DLGAP2: variants seen among roughly 807,000 people sequenced by gnomAD.
The protein encoded by DLGAP2 is disks large-associated protein 2.
Under a neutral mutation model 100.3 loss-of-function variants are expected in DLGAP2, and 26 were observed. The ratio of observed to expected loss-of-function variants is 0.26; its 90% CI spans 0.19 to 0.36. The LOEUF is 0.36. Among genes scored for constraint, DLGAP2 ranks in the 10% least tolerant of loss-of-function variants. The pLI is 1.00. For synonymous variants in DLGAP2, 886 were observed against 630.1 expected (o/e 1.41, Z -6.08); for missense variants, 1,858 against 1,453.2 (o/e 1.28, Z -4.53).
chr8:1,395,231 C>G (rs1450127127), intron 3 of DLGAP2, among the ~76,000 whole-genome samples: 1 of 16 alleles, frequency 0.062, no homozygotes, highest in Non-Finnish European at 0.5. Context: ...CCTCCTCATC[C>G]TCCAGAGTCG....
chr8:1,163,169 A>G (rs1161786840), intron 2 of DLGAP2, among the ~76,000 whole-genome samples: 3 of 152,202 alleles, frequency 2.0e-5, no homozygotes, highest in Non-Finnish European at 4.4e-5. Flanking sequence ...CACTGAAACT[A>G]GCGCCAGTAC....
At chr8:1,524,340 G>A (rs904942636) in intron 4 of DLGAP2, among the ~76,000 whole-genome samples, 5 of 152,108 alleles carry the variant, frequency 3.3e-5, no homozygotes, top group African/African-American at 1.2e-4. Context: ...CTGGGAGGAA[G>A]GAGCCTGGCT....
intron 1 of DLGAP2, among the ~76,000 whole-genome samples, chr8:787,025 T>G (rs1346598542): frequency 6.6e-5 from 10 of 152,200 alleles, no homozygotes; most frequent in African/African-American, 2.2e-4. Flanking sequence ...CTTTTTCTTT[T>G]GGCTTTCCTT....
chr8:1,118,266 G>A (rs1165216587), intron 2 of DLGAP2, among the ~76,000 whole-genome samples: 7 of 152,184 alleles, frequency 4.6e-5, no homozygotes, highest in African/African-American at 1.7e-4. Context: ...AACTTCTTCA[G>A]CTTCACTCTG....
intron 2 of DLGAP2, among the ~76,000 whole-genome samples, chr8:1,080,092 C>T (rs2600501): frequency 0.023 from 3,481 of 152,332 alleles, 125 homozygotes; most frequent in African/African-American, 0.08. Flanking sequence ...GGGCCTGCTT[C>T]CCCAGCCTCC....
intron 2 of DLGAP2, among the ~76,000 whole-genome samples, chr8:1,130,095 C>T (rs992596588): frequency 9.9e-4 from 2 of 2,026 alleles, no homozygotes; most frequent in African/African-American, 5.6e-3. Flanking sequence ...GTGTCAGACA[C>T]TTCACGCGAG....
chr8:897,219 A>T (rs1053974547), intron 1 of DLGAP2, among the ~76,000 whole-genome samples: 2 of 152,092 alleles, frequency 1.3e-5, no homozygotes, highest in East Asian at 3.9e-4. Flanking sequence ...CTTATTTCAC[A>T]GGTGTTTGTC....
chr8:913,312 C>T (rs888444159), intron 2 of DLGAP2, among the ~76,000 whole-genome samples: 2 of 152,156 alleles, frequency 1.3e-5, no homozygotes, highest in Non-Finnish European at 2.9e-5. Flanking sequence ...TGTAAATCCC[C>T]TAGATTTCTT....
chr8:1,055,846 C>A (rs2129033919), intron 2 of DLGAP2, among the ~76,000 whole-genome samples: 5 of 152,324 alleles, frequency 3.3e-5, no homozygotes, highest in Admixed American at 3.3e-4. Flanking sequence ...CTGATTCTTA[C>A]TTCAAGGATT....
At chr8:1,275,345 C>G (rs566264989) in intron 3 of DLGAP2, among the ~76,000 whole-genome samples, 1 of 146,872 alleles carries the variant, frequency 6.8e-6, no homozygotes, top group Non-Finnish European at 1.5e-5. Context: ...CTAGCTCGAG[C>G]AGGGAATTTG....
intron 3 of DLGAP2, among the ~76,000 whole-genome samples, chr8:1,420,121 C>T (rs143231870): frequency 0.022 from 3,398 of 152,146 alleles, 38 homozygotes; most frequent in Middle Eastern, 0.044. Context: ...GGTCTGGGGT[C>T]GGGAGGGGCT....
At chr8:840,503 C>T (rs1187772028) in intron 1 of DLGAP2, among the ~76,000 whole-genome samples, 18 of 92,676 alleles carry the variant, frequency 1.9e-4, no homozygotes, top group African/African-American at 2.5e-4. Flanking sequence ...CTGGATTCTG[C>T]GAGCGCGTCC....
chr8:1,109,006 T>C, intron 2 of DLGAP2, among the ~76,000 whole-genome samples: 1 of 143,572 alleles, frequency 7.0e-6, no homozygotes, highest in Non-Finnish European at 1.5e-5. Flanking sequence ...CTATGAAGTG[T>C]GCTGGGTCTG....
intron 3 of DLGAP2, among the ~76,000 whole-genome samples, chr8:1,480,027 G>A (rs991053309): frequency 6.6e-6 from 1 of 152,174 alleles, no homozygotes; most frequent in African/African-American, 2.4e-5. Flanking sequence ...CTGTAAGACA[G>A]GTGCAATTAG....
intron 6 of DLGAP2, among the ~76,000 whole-genome samples, chr8:1,610,885 T>G (rs202164168): frequency 0.99 from 115,203 of 116,224 alleles, 57,116 homozygotes; most frequent in Middle Eastern, 1. Context: ...GCTGAAATTG[T>G]GGCAATAATC....
At chr8:1,478,570 A>G (rs534525757) in intron 3 of DLGAP2, among the ~76,000 whole-genome samples, 43 of 151,476 alleles carry the variant, frequency 2.8e-4, no homozygotes, top group Middle Eastern at 6.8e-3. Context: ...TCAAACCAAC[A>G]GAATAGATCT....
chr8:1,124,445 T>C (rs1796119770), intron 2 of DLGAP2, among the ~76,000 whole-genome samples: 1 of 152,234 alleles, frequency 6.6e-6, no homozygotes. Flanking sequence ...GCTGGGCCAC[T>C]TAAGTAAGCT....
chr8:1,079,101 G>T (rs1156600409), intron 2 of DLGAP2, among the ~76,000 whole-genome samples: 1 of 152,182 alleles, frequency 6.6e-6, no homozygotes, highest in Non-Finnish European at 1.5e-5. Context: ...CATCTGAGCA[G>T]GTGTGTGATG....
At chr8:929,751 C>T (rs55664324) in intron 2 of DLGAP2, among the ~76,000 whole-genome samples, 21,865 of 144,388 alleles carry the variant, frequency 0.15, 1,852 homozygotes, top group Non-Finnish European at 0.18. Context: ...TGAGAGTTCC[C>T]GGCAACAATG....
Sources: allele counts gnomAD v4.1 joint callset (sites outside exome capture counted in the v4.1 genomes callset), GRCh38; gene constraint gnomAD v4.1.1; transcripts MANE v1.5; gene names NCBI Gene and HGNC (gene_info 2026-07-23, HGNC 2026-07-21).